Variants in TECPR2 observed in about 807,000 individuals in gnomAD.
TECPR2 encodes the protein tectonin beta-propeller repeat-containing protein 2.
In TECPR2, 65 loss-of-function variants were observed where a neutral mutation model predicts 138.1. The observed-to-expected ratio is 0.47, with a 90% CI of 0.39 to 0.58. The LOEUF (loss-of-function observed/expected upper bound fraction) is 0.58. TECPR2 is among the 20% of genes least tolerant of loss of function. The pLI is 0.00. For synonymous variants in TECPR2, 746 were observed against 749.8 expected (o/e 0.99, Z 0.08); for missense variants, 1,553 against 1,824.5 (o/e 0.85, Z 2.71).
At chr14:102,486,447 G>A (rs1006513536) in intron 17 of TECPR2, among the ~76,000 whole-genome samples, 2 of 152,184 alleles carry the variant, frequency 1.3e-5, no homozygotes, top group East Asian at 1.9e-4. Flanking sequence ...CTACAGGTGT[G>A]TGTACAAAAT....
In TECPR2 at chr14:102,432,298, T is replaced by TACACAC. The variant is rs10650505; in HGVS notation, c.1417+189_1417+194dup. On this transcript the variant is annotated intron_variant, in intron 8 of 19. Coordinates refer to ENST00000359520, the MANE Select transcript of TECPR2 (RefSeq NM_014844.5). ...CAAAATACTTCACATTAACGGAAAATACACACACACACACACACACACACT... is the reference window on the plus strand; with the variant it reads ...CAAAATACTTCACATTAACGGAAAATACACACACACACACACACACACACACACACT... Among the ~76,000 whole-genome samples the TACACAC allele has an allele frequency of 2.6e-3, 386 of 148,898 alleles. 1 individual carries two copies. The highest frequency in any genetic ancestry group is 0.013 in the South Asian group (61 of 4,718).
rs1891345942 is a variant in TECPR2 at position 102,498,243 on chromosome 14, T to C, written c.4222T>C (p.Trp1408Arg). 2 of 1,602,324 alleles carry C rather than the reference T, an allele frequency of 1.2e-6. No homozygotes were observed. The highest frequency in any genetic ancestry group is 1.7e-6 in the Non-Finnish European group (2 of 1,179,778). Residue 1408 changes from tryptophan to arginine, a missense_variant, in exon 20 of 20, where the codon TGG (tryptophan) becomes CGG (arginine). Transcript: ENST00000359520. ...CCACCCTGAGGACCTGGAGGACGAG[T>C]GGGAGGTCATCTGAAGGAGCCCTGG... is the stretch of plus-strand genomic sequence containing the variant. ...MPHPEDLEDE[W>R]EVI is the part of the protein sequence containing the mutation.
At chr14:102,473,614 C>T (rs2139778908) in intron 17 of TECPR2, among the ~76,000 whole-genome samples, 1 of 152,264 alleles carries the variant, frequency 6.6e-6, no homozygotes, top group East Asian at 1.9e-4. Context: ...GTTCTGTTGT[C>T]CTATTCTCTT....
chr14:102,381,048 C>A (rs1887799836), intron 2 of TECPR2, among the ~76,000 whole-genome samples: 1 of 151,478 alleles, frequency 6.6e-6, no homozygotes, highest in African/African-American at 2.4e-5. Flanking sequence ...GCAACCTCCA[C>A]CTCCTGGGTT....
In TECPR2 at chr14:102,419,295, G is replaced by C. The variant is rs1030723231; in HGVS notation, c.638+4502G>C. Among the ~76,000 whole-genome samples, 7 of 152,168 alleles carry C rather than the reference G, an allele frequency of 4.6e-5. No homozygotes were observed. Among genetic ancestry groups the C allele is most frequent in the African/African-American group, 7.2e-5 (3 of 41,422 alleles). ...TCCTCATCAGCAGGGCCAAGGGATT[G>C]GAAGGGCTGAAAGAGGAGTTGACGG... On this transcript the variant is annotated intron_variant, in intron 5 of 19. Transcript: ENST00000359520. The surrounding 1 kb of genome is among the most constrained non-coding windows in gnomAD (Gnocchi z 4.8).
At chr14:102,480,083 A>G (rs1005958449) in intron 17 of TECPR2, among the ~76,000 whole-genome samples, 9 of 152,072 alleles carry the variant, frequency 5.9e-5, no homozygotes, top group African/African-American at 1.9e-4. Flanking sequence ...TCATTTTCCT[A>G]TCAGTAAAGT....
At chr14:102,459,755 G>A (rs374002884) in intron 16 of TECPR2, among the ~76,000 whole-genome samples, 17 of 152,108 alleles carry the variant, frequency 1.1e-4, no homozygotes, top group African/African-American at 1.7e-4. Context: ...GCGAGACTCC[G>A]TCTCAAAAAA....
At chr14:102,468,339 C>T (rs192033863) in intron 17 of TECPR2, among the ~76,000 whole-genome samples, 6 of 152,080 alleles carry the variant, frequency 3.9e-5, no homozygotes, top group African/African-American at 7.2e-5. Context: ...AGGCATGCAC[C>T]GCCATGCCTG....
chr14:102,498,016 G>A, intron 19 of TECPR2, 87 bp from the exon 20 acceptor site: 2 of 823,766 alleles, frequency 2.4e-6, no homozygotes, highest in Non-Finnish European at 1.8e-6. Flanking sequence ...GGCAAGCCCA[G>A]ACCTGCGCCC....
chr14:102,388,030 A>G (rs1156903605), intron 2 of TECPR2, among the ~76,000 whole-genome samples: 2 of 152,224 alleles, frequency 1.3e-5, no homozygotes, highest in African/African-American at 2.4e-5. Flanking sequence ...CAAGTATTTC[A>G]TTGGCTTATA....
At chr14:102,367,950 C>T (rs1330861700) in intron 1 of TECPR2, among the ~76,000 whole-genome samples, 3 of 149,254 alleles carry the variant, frequency 2.0e-5, no homozygotes, top group African/African-American at 7.4e-5. Context: ...TTGCATTTCC[C>T]TGATGAGTAA....
At chr14:102,424,749 G>A (rs1889268364) in intron 5 of TECPR2, among the ~76,000 whole-genome samples, 1 of 152,170 alleles carries the variant, frequency 6.6e-6, no homozygotes, top group South Asian at 2.1e-4. Context: ...TCAGTGAATG[G>A]TTCCCTGTGT....
intron 1 of TECPR2, among the ~76,000 whole-genome samples, chr14:102,370,260 G>A (rs997689744): frequency 2.0e-5 from 3 of 151,954 alleles, no homozygotes; most frequent in Non-Finnish European, 2.9e-5. Flanking sequence ...TAATAGAGAT[G>A]AGGTTTCACC....
chr14:102,407,331 TC>T lies in TECPR2; in HGVS notation c.220-3del. Reference sequence around the variant, plus strand: ...TACAGATTCATTTGTTTTCAACGTTTCCCCAGGGGAAGACGGAATCTATCAC... The same window carrying T: ...TACAGATTCATTTGTTTTCAACGTTTCCCAGGGGAAGACGGAATCTATCAC... On this transcript the variant is annotated splice_polypyrimidine_tract_variant and splice_region_variant and intron_variant, in intron 2 of 19. Transcript: ENST00000359520. 2 of 1,588,808 alleles carry T rather than the reference TC, an allele frequency of 1.3e-6. No homozygotes were observed. The highest frequency in any genetic ancestry group is 1.7e-6 in the Non-Finnish European group (2 of 1,170,412).
chr14:102,385,027 T>C (rs1003838501), intron 2 of TECPR2, among the ~76,000 whole-genome samples: 2 of 151,694 alleles, frequency 1.3e-5, no homozygotes. Context: ...TGGCTAATTT[T>C]TGTATGTTTA....
rs748324607 is a variant in TECPR2, at chr14:102,434,622, G to C, written c.1805G>C (p.Cys602Ser). Reference sequence around the variant, plus strand: ...GTCACGGGACTCGGAGATGAGCCGTGTCCTGCAGATGATGGACCAAATAGC... The same window carrying C: ...GTCACGGGACTCGGAGATGAGCCGTCTCCTGCAGATGATGGACCAAATAGC... The part of the protein sequence containing the change: ...SDVTGLGDEP[C>S]PADDGPNSTQ... Residue 602 changes from cysteine to serine, a missense_variant, in exon 9 of 20, where the codon TGT becomes TCT. Transcript: ENST00000359520. 8.2e-6 allele frequency: 13 copies of C among 1,587,798 alleles called. No homozygotes were observed.
intron 17 of TECPR2, among the ~76,000 whole-genome samples, chr14:102,474,809 A>G (rs771985973): frequency 1.2e-4 from 18 of 152,120 alleles, no homozygotes; most frequent in Non-Finnish European, 2.5e-4. Context: ...TACCCAGCCC[A>G]TATAAATCTG....
At chr14:102,376,509 G>A in intron 1 of TECPR2, 141 bp from the exon 2 acceptor site, 1 of 571,094 alleles carries the variant, frequency 1.8e-6, no homozygotes, top group Non-Finnish European at 3.1e-6. Flanking sequence ...AGTGATCTTA[G>A]TGACACGTGT....
At chr14:102,468,204 T>C (rs1280387198) in intron 17 of TECPR2, among the ~76,000 whole-genome samples, 1 of 151,658 alleles carries the variant, frequency 6.6e-6, no homozygotes, top group East Asian at 1.9e-4. Context: ...TTTGTTTGTT[T>C]TGAGATGGAG....
Sources: gnomAD v4.1 joint callset for allele counts (sites outside exome capture counted in the v4.1 genomes callset) on GRCh38, gnomAD v4.1.1 for gene constraint, Gnocchi (gnomAD v3.1) non-coding constraint, MANE v1.5 for transcripts, NCBI Gene and HGNC (gene_info 2026-07-23, HGNC 2026-07-21) for gene names.